CELF2: variants seen among roughly 807,000 people sequenced by gnomAD.
CELF2 encodes the protein CUGBP Elav-like family member 2, also known as CUG triplet repeat RNA-binding protein 2.
In CELF2, 8 loss-of-function variants were observed where a neutral mutation model predicts 62.6. That is an observed-to-expected ratio of 0.13 (90% CI 0.07 to 0.23). The LOEUF is 0.23. Ranked by LOEUF, CELF2 falls within the 10% of genes least tolerant of loss-of-function variation. The pLI is 1.00. For missense variants in CELF2, 333 were observed against 671.0 expected (o/e 0.50, Z 5.56); for synonymous variants, 258 against 250.0 (o/e 1.03, Z -0.30).
rs2139771423 is a variant in CELF2, at chr10:11,046,194, GTCTA to G, written c.74+28032_74+28035del. Among the ~76,000 whole-genome samples, 1 of 152,312 alleles carries G rather than the reference GTCTA, an allele frequency of 6.6e-6. No individual in the cohort carries two copies. The highest frequency in any genetic ancestry group is 2.4e-5 in the African/African-American group (1 of 41,580). ...GGTTCTCAAAATCACGGCACCGCTTGTCTAACAACACCGAACGCTGGGCCCATCC... is the reference window on the plus strand; with the variant it reads ...GGTTCTCAAAATCACGGCACCGCTTGACAACACCGAACGCTGGGCCCATCC... On this transcript the variant is annotated intron_variant, in intron 1 of 12. Transcript: ENST00000633077. The surrounding 1 kb of genome is among the most constrained non-coding windows in gnomAD (Gnocchi z 4.6).
chr10:10,696,768 A>G, the CELF2 span, among the ~76,000 whole-genome samples: 6 of 152,152 alleles, frequency 3.9e-5, no homozygotes, highest in East Asian at 3.9e-4. Context: ...TCGATTTTCC[A>G]GGTGCCGTCC....
At chr10:10,723,649 G>A in the CELF2 span, among the ~76,000 whole-genome samples, 3 of 152,128 alleles carry the variant, frequency 2.0e-5, no homozygotes, top group Admixed American at 1.3e-4. Flanking sequence ...TATGGAAAAG[G>A]GAGTTGGTGA....
chr10:11,005,154 T>A, upstream of CELF2: 1 of 985,022 alleles, frequency 1.0e-6, no homozygotes, highest in Non-Finnish European at 1.2e-6. This position sits in a 1 kb window ranked among gnomAD's most constrained non-coding sequence, Gnocchi z 4.3. Context: ...ACAACATAAC[T>A]TGTCAGAGAG....
chr10:10,751,542 T>A, the CELF2 span, among the ~76,000 whole-genome samples: 1 of 152,218 alleles, frequency 6.6e-6, no homozygotes, highest in South Asian at 2.1e-4. Context: ...TTGCCTTTTT[T>A]TCTCTGATAG....
At chr10:10,528,584 CT>C in the CELF2 span, among the ~76,000 whole-genome samples, 1 of 152,160 alleles carries the variant, frequency 6.6e-6, no homozygotes, top group Non-Finnish European at 1.5e-5. Context: ...GCTGGCCTGC[CT>C]CTTTGCTCAA....
chr10:11,227,016 C>A lies in CELF2; in HGVS notation c.354+9509C>A, dbSNP rs971148232. Among the ~76,000 whole-genome samples, 7 of 152,196 alleles carry A rather than the reference C, an allele frequency of 4.6e-5. No homozygotes were observed. Among genetic ancestry groups the A allele is most frequent in the Admixed American group, 2.6e-4 (4 of 15,280 alleles). ...CTCCGTCCAACTGTCCTCGCCATTG[C>A]TCTGCTTCCGTGTTCCACAGACAGG... On this transcript the variant is annotated intron_variant, in intron 3 of 12. Coordinates refer to ENST00000633077, the MANE Select transcript of CELF2 (RefSeq NM_001326342.2). This position sits in a 1 kb window ranked among gnomAD's most constrained non-coding sequence, Gnocchi z 4.8.
At chr10:11,225,449 A>G (rs948209852) in intron 3 of CELF2, among the ~76,000 whole-genome samples, 1 of 152,190 alleles carries the variant, frequency 6.6e-6, no homozygotes, top group Non-Finnish European at 1.5e-5. Flanking sequence ...GTCTGTGGTC[A>G]TGTCCTATTT....
chr10:11,032,935 A>G (rs537305638), intron 1 of CELF2, among the ~76,000 whole-genome samples: 15 of 152,358 alleles, frequency 9.8e-5, no homozygotes, highest in African/African-American at 3.4e-4. Flanking sequence ...ATAAACTCAA[A>G]TGTATGTTGG....
intron 1 of CELF2, among the ~76,000 whole-genome samples, chr10:10,864,217 G>A (rs996375389): frequency 6.6e-6 from 1 of 151,386 alleles, no homozygotes; most frequent in Non-Finnish European, 1.5e-5. Context: ...TTGACCCTAA[G>A]CAAATCACTT....
the CELF2 span, among the ~76,000 whole-genome samples, chr10:10,577,025 C>T: frequency 1.3e-5 from 2 of 152,166 alleles, no homozygotes; most frequent in African/African-American, 4.8e-5. Context: ...GGAATGCAGC[C>T]ATCAAAACAG....
intron 2 of CELF2, among the ~76,000 whole-genome samples, chr10:10,921,115 C>T (rs1238537042): frequency 6.6e-6 from 1 of 151,826 alleles, no homozygotes; most frequent in Non-Finnish European, 1.5e-5. Context: ...CCACCATGCC[C>T]GGCTAATTTT....
At chr10:10,554,691 C>G in the CELF2 span, among the ~76,000 whole-genome samples, 1 of 152,030 alleles carries the variant, frequency 6.6e-6, no homozygotes, top group Non-Finnish European at 1.5e-5. Context: ...CTCACTCTAC[C>G]CTATTTGGCT....
In CELF2 at chr10:10,821,892, C is replaced by T. The variant is rs149740433; in HGVS notation, c.53+23075C>T. Among the ~76,000 whole-genome samples, 859 of 152,294 alleles carry T rather than the reference C, an allele frequency of 5.6e-3. 46 individuals are homozygous for T. Among genetic ancestry groups the T allele is most frequent in the Admixed American group, 0.051 (778 of 15,292 alleles). ...CTGGGCTCAAGCAATCCTCCTGCCT[C>T]GGCCTCCCAAAGTGCTGGGAGCCAC... On this transcript the variant is annotated intron_variant, in intron 1 of 13. Coordinates refer to the CELF2 transcript ENST00000636488.
chr10:10,870,178 T>G (rs1410943684), intron 1 of CELF2, among the ~76,000 whole-genome samples: 1 of 152,146 alleles, frequency 6.6e-6, no homozygotes, highest in East Asian at 1.9e-4. Context: ...TCTTTAAAAT[T>G]TTTATTAAAG....
At chr10:11,166,007 G>A (rs1006705791) in intron 2 of CELF2, among the ~76,000 whole-genome samples, 2 of 152,236 alleles carry the variant, frequency 1.3e-5, no homozygotes, top group South Asian at 2.1e-4. Flanking sequence ...TTGCTTCTCC[G>A]AGGAATCGCG....
chr10:11,038,379 A>C (rs1232768048), intron 1 of CELF2, among the ~76,000 whole-genome samples: 1 of 152,222 alleles, frequency 6.6e-6, no homozygotes, highest in Non-Finnish European at 1.5e-5. Context: ...TTATATCACC[A>C]AGTTGTACTG....
chr10:10,794,288 C>T (rs2054013915), upstream of CELF2, among the ~76,000 whole-genome samples: 1 of 151,938 alleles, frequency 6.6e-6, no homozygotes, highest in South Asian at 2.1e-4. Flanking sequence ...AGTCATTTCA[C>T]CTTCTTAAGA....
chr10:10,934,113 G>A lies in CELF2; in HGVS notation c.89+14114G>A, dbSNP rs550385158. Among the ~76,000 whole-genome samples the A allele has an allele frequency of 9.2e-5, 14 of 152,236 alleles. No homozygotes were observed. Among genetic ancestry groups the A allele is most frequent in the South Asian group, 6.2e-4 (3 of 4,818 alleles). ...TCAGTGCCAGCGTTTCTTATTTTGCGTCTTTTTTGTAATAGCCATTTTAAT... is the reference window on the plus strand; with the variant it reads ...TCAGTGCCAGCGTTTCTTATTTTGCATCTTTTTTGTAATAGCCATTTTAAT... On this transcript the variant is annotated intron_variant, in intron 2 of 13. Transcript: ENST00000636488. This position sits in a 1 kb window ranked among gnomAD's most constrained non-coding sequence, Gnocchi z 4.4.
chr10:11,011,912 A>C lies in CELF2; in HGVS notation c.53+6472A>C, dbSNP rs2056528946. On this transcript the variant is annotated intron_variant, in intron 1 of 12. Coordinates refer to the CELF2 transcript ENST00000416382. This position sits in a 1 kb window ranked among gnomAD's most constrained non-coding sequence, Gnocchi z 4.6. ...GGGAAAAAATAAATTTCCTGTGCTC[A>C]AAACCTTAATGTATTTTCAACCTAC... Among the ~76,000 whole-genome samples the C allele has an allele frequency of 6.6e-6, 1 of 152,234 alleles. No individual in the cohort carries two copies. The highest frequency in any genetic ancestry group is 2.4e-5 in the African/African-American group (1 of 41,468).
Sources: allele counts gnomAD v4.1 joint callset (sites outside exome capture counted in the v4.1 genomes callset), GRCh38; gene constraint gnomAD v4.1.1; non-coding constraint Gnocchi (gnomAD v3.1); transcripts MANE v1.5; gene names NCBI Gene and HGNC (gene_info 2026-07-23, HGNC 2026-07-21).